Variants in LRRC7 observed in about 807,000 individuals in gnomAD.
LRRC7 encodes leucine rich repeat containing 7, also known as leucine-rich repeat-containing protein 7.
A neutral mutation model predicts 175.7 loss-of-function variants in LRRC7; 23 were observed. The observed-to-expected ratio is 0.13, with a 90% confidence interval of 0.09 to 0.19. LRRC7 has a LOEUF of 0.19. LRRC7 is among the 10% of genes least tolerant of loss of function. The pLI is 1.00. For missense variants in LRRC7, 1,354 were observed against 1,904.7 expected, an observed-to-expected ratio of 0.71 and a Z score of 5.38; for synonymous variants, 685 against 680.9, an observed-to-expected ratio of 1.01 and a Z score of -0.09.
At chr1:69,872,021 A>T (rs1278993794) in intron 7 of LRRC7, among the ~76,000 whole-genome samples, 1 of 152,026 alleles carries the variant, frequency 6.6e-6, no homozygotes, top group East Asian at 1.9e-4. Flanking sequence ...ATGCAAAAAT[A>T]CTGTAATGAA....
intron 9 of LRRC7, among the ~76,000 whole-genome samples, chr1:69,982,185 A>G (rs1014623143): frequency 1.1e-4 from 17 of 152,274 alleles, no homozygotes; most frequent in Non-Finnish European, 7.3e-5. Context: ...AATCTTCCAT[A>G]AAACATATAA....
In LRRC7 at chr1:69,586,790, C is replaced by T. The variant is rs78729109; in HGVS notation, c.2+18149C>T. ...GTGTTATTTAAGGCTGTAATATTTGCGCCTTAATTCTTTAAAATACTACCC... is the reference window on the plus strand; with the variant it reads ...GTGTTATTTAAGGCTGTAATATTTGTGCCTTAATTCTTTAAAATACTACCC... On this transcript the variant is annotated intron_variant, in intron 1 of 26. Transcript: ENST00000651989. Among the ~76,000 whole-genome samples the T allele has an allele frequency of 5.9e-3, 894 of 152,124 alleles. 11 individuals carry two copies. The highest frequency in any genetic ancestry group is 0.02 in the African/African-American group (849 of 41,512).
chr1:69,750,079 A>AATAC (rs1669688026), intron 2 of LRRC7, among the ~76,000 whole-genome samples: 1 of 114,400 alleles, frequency 8.7e-6, no homozygotes, highest in Non-Finnish European at 1.8e-5. Context: ...TAAATAAATA[A>AATAC]ATAAATAAAT....
At chr1:69,587,072 A>G (rs547322071) in intron 1 of LRRC7, among the ~76,000 whole-genome samples, 2 of 152,220 alleles carry the variant, frequency 1.3e-5, no homozygotes, top group South Asian at 4.1e-4. Flanking sequence ...GTGCCCTTGG[A>G]ATATTTGTAA....
chr1:69,836,846 A>G (rs1212188314), intron 6 of LRRC7, among the ~76,000 whole-genome samples: 1 of 151,816 alleles, frequency 6.6e-6, no homozygotes, highest in African/African-American at 2.4e-5. Context: ...AATCATTATA[A>G]GATTAAAATT....
chr1:69,612,005 TA>T (rs1648835536), intron 1 of LRRC7, among the ~76,000 whole-genome samples: 1 of 152,054 alleles, frequency 6.6e-6, no homozygotes, highest in Non-Finnish European at 1.5e-5. Flanking sequence ...GGAAGCTACA[TA>T]AATTTGTAAG....
At chr1:70,083,165 A>G (rs1027338362) in intron 24 of LRRC7, among the ~76,000 whole-genome samples, 8 of 152,138 alleles carry the variant, frequency 5.3e-5, no homozygotes, top group Admixed American at 5.2e-4. Flanking sequence ...AAAAGATTTG[A>G]ATATAGAAGA....
At chr1:69,988,878 G>A (rs148501344) in intron 10 of LRRC7, among the ~76,000 whole-genome samples, 5 of 152,188 alleles carry the variant, frequency 3.3e-5, no homozygotes, top group African/African-American at 1.2e-4. Flanking sequence ...CATAGTGAAG[G>A]GGGAAACATT....
intron 7 of LRRC7, among the ~76,000 whole-genome samples, chr1:69,849,902 A>C (rs1462297627): frequency 6.6e-6 from 1 of 152,122 alleles, no homozygotes; most frequent in East Asian, 1.9e-4. Flanking sequence ...GGAATCTAAC[A>C]ATTTTCCACT....
intron 2 of LRRC7, among the ~76,000 whole-genome samples, chr1:69,711,771 T>C (rs1664777873): frequency 6.6e-6 from 1 of 152,108 alleles, no homozygotes; most frequent in Non-Finnish European, 1.5e-5. Flanking sequence ...CTGAACAAGG[T>C]CTTTGCCCCT....
chr1:69,661,256 G>A (rs1222552669), intron 1 of LRRC7, among the ~76,000 whole-genome samples: 1 of 151,990 alleles, frequency 6.6e-6, no homozygotes, highest in Non-Finnish European at 1.5e-5. Flanking sequence ...TCACTCAATC[G>A]CAAATAAAAA....
intron 1 of LRRC7, among the ~76,000 whole-genome samples, chr1:69,599,598 A>G (rs934648252): frequency 1.3e-5 from 2 of 152,230 alleles, no homozygotes; most frequent in Non-Finnish European, 1.5e-5. Flanking sequence ...GCAACATACT[A>G]TAAGTGAAAA....
At chr1:70,018,006 CA>C (rs1305527931) in intron 14 of LRRC7, among the ~76,000 whole-genome samples, 2 of 151,998 alleles carry the variant, frequency 1.3e-5, no homozygotes, top group Admixed American at 6.6e-5. Context: ...TTTCATGAGA[CA>C]AACTGATATC....
At chr1:69,861,104 AG>A (rs1466536058) in intron 7 of LRRC7, among the ~76,000 whole-genome samples, 8 of 152,064 alleles carry the variant, frequency 5.3e-5, no homozygotes, top group African/African-American at 1.9e-4. Flanking sequence ...ACAAAGAAAA[AG>A]CATATATGAA....
In LRRC7 at chr1:69,963,162, G is replaced by A. The variant is rs1198758221; in HGVS notation, c.712-17217G>A. 4.6e-5 allele frequency among the ~76,000 whole-genome samples: 7 copies of A among 151,558 alleles called. No homozygotes were observed. The East Asian group carries it at 5.8e-4, about 13-fold the overall frequency. On this transcript the variant is annotated intron_variant, in intron 8 of 26. Coordinates refer to ENST00000651989, the MANE Select transcript of LRRC7 (RefSeq NM_001370785.2). ...CTACTAAAAATACAAAAAATTAGCC[G>A]GGCATGGTGGTACATGCCTGTAATC...
chr1:69,682,871 A>C (rs1196481144), intron 2 of LRRC7, among the ~76,000 whole-genome samples: 1 of 152,096 alleles, frequency 6.6e-6, no homozygotes. Context: ...CTTTTCAGCC[A>C]TTATATATTA....
intron 7 of LRRC7, among the ~76,000 whole-genome samples, chr1:69,847,759 C>T (rs1320998094): frequency 1.3e-5 from 2 of 152,070 alleles, no homozygotes; most frequent in Non-Finnish European, 2.9e-5. Flanking sequence ...TTGCCTGTGC[C>T]TTCAACAATT....
chr1:70,063,436 T>A (rs1396642833), intron 23 of LRRC7, among the ~76,000 whole-genome samples: 1 of 152,100 alleles, frequency 6.6e-6, no homozygotes, highest in Non-Finnish European at 1.5e-5. Flanking sequence ...TGATTGAGAC[T>A]GGTATTACTC....
intron 7 of LRRC7, among the ~76,000 whole-genome samples, chr1:69,845,812 T>C (rs1253003187): frequency 6.6e-6 from 1 of 152,158 alleles, no homozygotes; most frequent in African/African-American, 2.4e-5. Context: ...TAACTCTGTA[T>C]TTGTAATTCT....
Sources: allele counts gnomAD v4.1 joint callset (sites outside exome capture counted in the v4.1 genomes callset), GRCh38; gene constraint gnomAD v4.1.1; transcripts MANE v1.5; gene names NCBI Gene and HGNC (gene_info 2026-07-23, HGNC 2026-07-21).